The following ARAP2 variants were observed in gnomAD, a reference collection of about 807,000 sequenced individuals.
The protein encoded by ARAP2 is arf-GAP with Rho-GAP domain, ANK repeat and PH domain-containing protein 2.
A neutral mutation model predicts 194.5 loss-of-function variants in ARAP2; 148 were observed. The observed-to-expected ratio is 0.76, with a 90% confidence interval of 0.67 to 0.87. The LOEUF (loss-of-function observed/expected upper bound fraction) is 0.87. Among genes scored for constraint, ARAP2 ranks in the 40% least tolerant of loss-of-function variants. ARAP2 has a pLI of 0.00. For synonymous variants in ARAP2, 695 were observed against 683.5 expected (o/e 1.02, Z -0.26); for missense variants, 2,128 against 1,989.7 (o/e 1.07, Z -1.32).
intron 25 of ARAP2, among the ~76,000 whole-genome samples, chr4:36,115,665 G>C (rs185319665): frequency 1.3e-5 from 2 of 152,060 alleles, no homozygotes; most frequent in East Asian, 1.9e-4. Flanking sequence ...TCTGGCCTTA[G>C]TATTCTTACT....
chr4:36,131,824 A>G (rs1725523644), intron 20 of ARAP2, among the ~76,000 whole-genome samples: 1 of 151,792 alleles, frequency 6.6e-6, no homozygotes, highest in Non-Finnish European at 1.5e-5. Context: ...ACTAACACTG[A>G]GTGACTGTAA....
intron 19 of ARAP2, among the ~76,000 whole-genome samples, chr4:36,145,358 T>C (rs1729397294): frequency 6.6e-6 from 1 of 152,040 alleles, no homozygotes; most frequent in Admixed American, 6.6e-5. Flanking sequence ...TAAATAGGAA[T>C]GAAGTCAAGT....
intron 11 of ARAP2, among the ~76,000 whole-genome samples, chr4:36,162,799 G>C (rs1470732504): frequency 4.6e-5 from 7 of 152,010 alleles, no homozygotes; most frequent in Non-Finnish European, 1.5e-5. Context: ...TCTGAGTTGA[G>C]GCAGCAGGAA....
At chr4:36,153,873 C>A (rs1731605815) in intron 15 of ARAP2, among the ~76,000 whole-genome samples, 1 of 152,170 alleles carries the variant, frequency 6.6e-6, no homozygotes, top group African/African-American at 2.4e-5. Context: ...CTCATTGAAT[C>A]CTCAGACCAA....
intron 19 of ARAP2, among the ~76,000 whole-genome samples, chr4:36,145,134 C>T (rs762680990): frequency 2.0e-5 from 3 of 151,628 alleles, no homozygotes; most frequent in Non-Finnish European, 2.9e-5. Context: ...TCCCAAAGAA[C>T]TAAAAATAGA....
chr4:36,025,601 T>A (rs1717760429), intron 5 of ARAP2, among the ~76,000 whole-genome samples: 2 of 152,172 alleles, frequency 1.3e-5, no homozygotes, highest in South Asian at 4.1e-4. Context: ...TTGGACGAAT[T>A]TGAGATCTGT....
chr4:36,010,729 C>A (rs1714343362), intron 9 of ARAP2, among the ~76,000 whole-genome samples: 1 of 152,104 alleles, frequency 6.6e-6, no homozygotes. Context: ...GGCCTTCCCC[C>A]TCGCCTCTAA....
Position 36,213,243 on chromosome 4 carries a change from C to T in ARAP2, c.1041G>A (p.Lys347=). 1 of 1,589,818 alleles carries T rather than the reference C, an allele frequency of 6.3e-7. No individual in the cohort carries two copies. The highest frequency in any genetic ancestry group is 8.6e-7 in the Non-Finnish European group (1 of 1,159,144). The change falls in exon 4 of 33, where the codon AAG becomes AAA. Residue 347 remains lysine, a splice_region_variant and synonymous_variant. Coordinates refer to ENST00000303965, the MANE Select transcript of ARAP2 (RefSeq NM_015230.4). ...TFLFQRLENS[K]KRSIKNEFLT... is the part of the protein sequence containing the mutation. ...AACAATTAAAATGTATGGGACTAAC[C>T]TTGGAATTTTCTAGTCTCTGGAAGA...
chr4:36,228,926 C>T lies in ARAP2; in HGVS notation c.561G>A (p.Val187=), dbSNP rs757867903. Residue 187 remains valine (V), a synonymous_variant, in exon 2 of 33, where the codon GTG becomes GTA. Transcript: ENST00000303965. ...KIESLITKKT[V]DHTVEEQQTE... ...TTTGTTGTTCTTCAACTGTGTGATCCACAGTCTTCTTTGTAATCAATGATT... is the reference window on the plus strand; with the variant it reads ...TTTGTTGTTCTTCAACTGTGTGATCTACAGTCTTCTTTGTAATCAATGATT... 1 of 1,613,982 alleles carries T rather than the reference C, an allele frequency of 6.2e-7. No homozygotes were observed. The highest frequency in any genetic ancestry group is 8.5e-7 in the Non-Finnish European group (1 of 1,179,966).
chr4:36,165,723 C>G (rs533741976), intron 10 of ARAP2, among the ~76,000 whole-genome samples: 115 of 152,070 alleles, frequency 7.6e-4, no homozygotes, highest in African/African-American at 2.7e-3. Context: ...ACTGGGAACT[C>G]GAGTGAATGA....
At chr4:36,015,702 A>G (rs1715659386) in intron 7 of ARAP2, 1 of 152,228 alleles carries the variant, frequency 6.6e-6, no homozygotes, top group African/African-American at 2.4e-5. Context: ...CTACTGGTCA[A>G]AGTTTGTTAT....
chr4:36,199,699 T>C (rs1021927165), intron 6 of ARAP2, among the ~76,000 whole-genome samples: 1 of 152,208 alleles, frequency 6.6e-6, no homozygotes, highest in Non-Finnish European at 1.5e-5. Flanking sequence ...ATTCCACATA[T>C]ACATAGATAC....
rs752780473 is a variant in ARAP2, at chr4:36,148,470, G to C, written c.2935C>G (p.Arg979Gly). The change falls in exon 17 of 33, where the codon CGT becomes GGT. Residue 979 changes from arginine (R) to glycine (G), a missense_variant. Transcript: ENST00000303965. Reference protein sequence around the residue: ...FIFEIYLPSERVFLFGAETSQ... With the variant: ...FIFEIYLPSEGVFLFGAETSQ... ...GTTTCAGCTCCAAATAAAAACACAC[G>C]TTCGGAGGGTAAGTAGATCTCAAAG... is the stretch of plus-strand genomic sequence containing the variant. 1.2e-6 allele frequency: 2 copies of C among 1,613,000 alleles called. No homozygotes were observed. The highest frequency in any genetic ancestry group is 1.3e-5 in the African/African-American group (1 of 74,854).
intron 8 of ARAP2, among the ~76,000 whole-genome samples, chr4:36,186,520 G>T (rs919968927): frequency 6.6e-6 from 1 of 152,174 alleles, no homozygotes; most frequent in Non-Finnish European, 1.5e-5. Context: ...TAAAGCGGGG[G>T]TCCCCAAACC....
chr4:36,068,293 A>C lies in ARAP2; in HGVS notation c.4744-15T>G. The C allele has an allele frequency of 2.7e-6, 4 of 1,508,298 alleles. No individual in the cohort carries two copies. The Admixed American group carries it at 7.0e-5, about 26-fold the overall frequency. The allele number at this position is 1,508,298 out of a possible 1,614,324, so 93.4% of individuals were successfully genotyped here. On this transcript the variant is annotated splice_polypyrimidine_tract_variant and intron_variant, in intron 32 of 32. Transcript: ENST00000303965. Reference sequence around the variant, plus strand: ...GCTCTTGCACTCTAAAAATAAAATTAAATGTCTCACAGGGAAGCAAGATTT... The same window carrying C: ...GCTCTTGCACTCTAAAAATAAAATTCAATGTCTCACAGGGAAGCAAGATTT...
At chr4:36,191,583 T>C (rs1202989451) in intron 7 of ARAP2, among the ~76,000 whole-genome samples, 1 of 151,506 alleles carries the variant, frequency 6.6e-6, no homozygotes, top group African/African-American at 2.4e-5. Flanking sequence ...GATTTTTATA[T>C]TTGTCTTGCA....
In ARAP2 at chr4:36,121,249, G is replaced by T. The variant is rs771482987; in HGVS notation, c.3824C>A (p.Thr1275Lys). The T allele has an allele frequency of 6.2e-7, 1 of 1,605,442 alleles. No individual in the cohort carries two copies. The highest frequency in any genetic ancestry group is 2.3e-5 in the East Asian group (1 of 44,364). ...ALVFSSCLFQ[T>K]KGQTSEEVNV... ...CACTTCTTCACTAGTTTGTCCCTTC[G>T]TTTGAAACAAACAGGATGAAAAGAC... is the stretch of plus-strand genomic sequence containing the variant. Residue 1275 changes from threonine to lysine, a missense_variant, in exon 23 of 33, where the codon ACG (threonine) becomes AAG (lysine). By Grantham distance (78) the Thr-to-Lys change is moderately conservative. Transcript: ENST00000303965.
At chr4:36,177,092 T>C (rs187329735) in intron 9 of ARAP2, among the ~76,000 whole-genome samples, 1 of 151,820 alleles carries the variant, frequency 6.6e-6, no homozygotes, top group Non-Finnish European at 1.5e-5. Flanking sequence ...CATATACATA[T>C]TAAAAACAAG....
chr4:36,175,576 A>G (rs1179610750), intron 9 of ARAP2, among the ~76,000 whole-genome samples: 1 of 152,148 alleles, frequency 6.6e-6, no homozygotes, highest in East Asian at 1.9e-4. Context: ...ACCTGAATCT[A>G]TATGATATAA....
Sources: allele counts gnomAD v4.1 joint callset (sites outside exome capture counted in the v4.1 genomes callset), GRCh38; gene constraint gnomAD v4.1.1; transcripts MANE v1.5; gene names NCBI Gene and HGNC (gene_info 2026-07-23, HGNC 2026-07-21).